Variants in NPAS3 observed in about 807,000 individuals in gnomAD.
NPAS3 encodes neuronal PAS domain protein 3.
In NPAS3, 14 loss-of-function variants were observed where a neutral mutation model predicts 73.1. The observed-to-expected ratio is 0.19, with a 90% CI of 0.13 to 0.30. The LOEUF (loss-of-function observed/expected upper bound fraction) is 0.30, where lower values mean the gene tolerates loss of function less well. Ranked by LOEUF, NPAS3 falls within the 10% of genes least tolerant of loss-of-function variation. NPAS3 has a pLI of 1.00. For missense variants in NPAS3, 1,096 were observed against 1,250.0 expected, an observed-to-expected ratio of 0.88 and a Z score of 1.86; for synonymous variants, 620 against 541.5, an observed-to-expected ratio of 1.14 and a Z score of -2.01.
intron 3 of NPAS3, among the ~76,000 whole-genome samples, chr14:33,343,613 C>G (rs1415523471): frequency 6.6e-6 from 1 of 152,146 alleles, no homozygotes; most frequent in Non-Finnish European, 1.5e-5. Flanking sequence ...GATTCAGCTC[C>G]TTAAATATTT....
intron 1 of NPAS3, among the ~76,000 whole-genome samples, chr14:32,951,645 T>C (rs921728030): frequency 1.3e-5 from 2 of 152,098 alleles, no homozygotes; most frequent in Non-Finnish European, 1.5e-5. Context: ...TCTGGAAATA[T>C]TGGAAAACTA....
chr14:33,698,446 G>C (rs922927302), intron 6 of NPAS3, among the ~76,000 whole-genome samples: 1 of 152,160 alleles, frequency 6.6e-6, no homozygotes, highest in Non-Finnish European at 1.5e-5. Context: ...TCTTTCAAGA[G>C]AGAGATCACA....
chr14:33,160,029 G>T (rs887417381), intron 2 of NPAS3, among the ~76,000 whole-genome samples: 1 of 152,002 alleles, frequency 6.6e-6, no homozygotes, highest in Admixed American at 6.6e-5. Flanking sequence ...TCAATATTTT[G>T]CATATTATAA....
At chr14:33,680,470 T>A (rs1438637924) in intron 6 of NPAS3, 1 of 632,912 alleles carries the variant, frequency 1.6e-6, no homozygotes, top group Admixed American at 2.6e-5. Flanking sequence ...TGTTCCTGTG[T>A]ATGTAGGTAT....
intron 7 of NPAS3, among the ~76,000 whole-genome samples, chr14:33,769,738 G>T (rs1282037017): frequency 7.7e-6 from 1 of 129,670 alleles, no homozygotes; most frequent in Non-Finnish European, 1.6e-5. Flanking sequence ...AGCCCTGAAA[G>T]ACTTGGATTT....
At chr14:33,764,000 C>T (rs1300837611) in intron 7 of NPAS3, among the ~76,000 whole-genome samples, 1 of 152,170 alleles carries the variant, frequency 6.6e-6, no homozygotes, top group African/African-American at 2.4e-5. Flanking sequence ...AGTTGCACTT[C>T]CCTAGGGCTG....
intron 3 of NPAS3, among the ~76,000 whole-genome samples, chr14:33,317,380 C>T (rs1292377608): frequency 1.3e-5 from 2 of 152,018 alleles, no homozygotes; most frequent in African/African-American, 4.8e-5. Flanking sequence ...GATGAGTAAA[C>T]CAAGGCTTAC....
chr14:33,800,977 C>T lies in NPAS3; in HGVS notation c.2670C>T (p.Ser890=), dbSNP rs779535664. ...CAGGACCGTTCGGCGGCGCAGTGAG[C>T]GCAGCTAGCCTGACGCAGATGCCCG... Residue 890 remains serine, a synonymous_variant, in exon 12 of 12, where the codon AGC becomes AGT. Transcript: ENST00000356141. The surrounding 1 kb of genome is among the most constrained non-coding windows in gnomAD (Gnocchi z 6.5). The T allele has an allele frequency of 3.8e-5, 60 of 1,592,022 alleles. 1 individual carries two copies. In the Admixed American group the frequency reaches 9.9e-4, roughly 26 times the overall value.
intron 4 of NPAS3, among the ~76,000 whole-genome samples, chr14:33,426,560 A>C (rs1436418168): frequency 1.3e-5 from 2 of 152,016 alleles, no homozygotes; most frequent in African/African-American, 4.8e-5. Flanking sequence ...AGGCTTTGCC[A>C]AGAAGAGTGT....
chr14:33,438,307 A>T lies in NPAS3; in HGVS notation c.468+71039A>T, dbSNP rs188311158. On this transcript the variant is annotated intron_variant, in intron 4 of 11. Transcript: ENST00000356141. ...ATGTGTTATTGAAATAAAGTGCTGC[A>T]TGTAAGCAGCTTTTCCATAGTGAAG... Among the ~76,000 whole-genome samples, 7 of 152,374 alleles carry T rather than the reference A, an allele frequency of 4.6e-5. No homozygotes were observed. The East Asian group carries it at 1.3e-3, about 29-fold the overall frequency.
At chr14:33,457,704 G>A (rs1260077678) in intron 4 of NPAS3, among the ~76,000 whole-genome samples, 1 of 152,144 alleles carries the variant, frequency 6.6e-6, no homozygotes, top group African/African-American at 2.4e-5. Context: ...CACTCCAAAT[G>A]ACTGGGTCCT....
chr14:33,328,462 T>C (rs1203102472), intron 3 of NPAS3, among the ~76,000 whole-genome samples: 1 of 58,286 alleles, frequency 1.7e-5, no homozygotes, highest in African/African-American at 5.8e-5. Context: ...TTTTTTTTTT[T>C]TTTTTTTTTT....
chr14:33,662,405 G>T (rs1242316485), intron 5 of NPAS3, among the ~76,000 whole-genome samples: 1 of 152,170 alleles, frequency 6.6e-6, no homozygotes, highest in Non-Finnish European at 1.5e-5. Flanking sequence ...AGTTCTCTTG[G>T]GAGAAGGAAG....
intron 1 of NPAS3, among the ~76,000 whole-genome samples, chr14:33,051,945 G>C (rs897219893): frequency 1.3e-5 from 2 of 152,186 alleles, no homozygotes; most frequent in African/African-American, 4.8e-5. Context: ...ATTTTTAGTA[G>C]AGTCAGAGTT....
intron 7 of NPAS3, among the ~76,000 whole-genome samples, chr14:33,742,218 A>G (rs901854144): frequency 1.3e-5 from 2 of 152,144 alleles, no homozygotes; most frequent in African/African-American, 4.8e-5. Flanking sequence ...TGCCCTAACA[A>G]TAGCTGCAGA....
intron 5 of NPAS3, among the ~76,000 whole-genome samples, chr14:33,607,328 T>C (rs182545901): frequency 6.7e-6 from 1 of 149,128 alleles, no homozygotes; most frequent in East Asian, 2.0e-4. Context: ...TACTCAGCAA[T>C]AGAAAGGAAT....
At chr14:33,629,574 G>T (rs1242858315) in intron 5 of NPAS3, among the ~76,000 whole-genome samples, 3 of 144,502 alleles carry the variant, frequency 2.1e-5, no homozygotes, top group Non-Finnish European at 3.1e-5. Flanking sequence ...TGTTGTTTTT[G>T]TTTTTTTTTT....
chr14:33,200,545 C>T (rs1171806452), intron 2 of NPAS3, among the ~76,000 whole-genome samples: 1 of 150,492 alleles, frequency 6.6e-6, no homozygotes, highest in Non-Finnish European at 1.5e-5. Flanking sequence ...ATCCTACTCC[C>T]AGCAAAGGTT....
intron 4 of NPAS3, among the ~76,000 whole-genome samples, chr14:33,397,412 C>T (rs1281646823): frequency 6.6e-6 from 1 of 151,984 alleles, no homozygotes; most frequent in Non-Finnish European, 1.5e-5. Flanking sequence ...GCCATTTGCC[C>T]CAAGTCCCAC....
Sources: allele counts gnomAD v4.1 joint callset (sites outside exome capture counted in the v4.1 genomes callset), GRCh38; gene constraint gnomAD v4.1.1; non-coding constraint Gnocchi (gnomAD v3.1); transcripts MANE v1.5; gene names NCBI Gene and HGNC (gene_info 2026-07-23, HGNC 2026-07-21).